Variants in ATP13A3 observed in about 807,000 individuals in gnomAD.
The protein encoded by ATP13A3 is ATPase 13A3, also known as polyamine-transporting ATPase 13A3.
ATP13A3 carries 59 observed loss-of-function variants against 158.1 expected under a neutral mutation model. The ratio of observed to expected loss-of-function variants is 0.37; its 90% confidence interval spans 0.30 to 0.46. ATP13A3 has a LOEUF of 0.46. ATP13A3 is among the 20% of genes least tolerant of loss of function. The pLI is 1.00. For synonymous variants in ATP13A3, 491 were observed against 504.3 expected (o/e 0.97, Z 0.35); for missense variants, 1,166 against 1,525.2 (o/e 0.76, Z 3.92).
chr3:194,425,363 T>C lies in ATP13A3; in HGVS notation c.3292A>G (p.Arg1098Gly). 6.2e-7 allele frequency: 1 copy of C among 1,612,676 alleles called. No homozygotes were observed. Among genetic ancestry groups the C allele is most frequent in the African/African-American group, 1.3e-5 (1 of 74,972 alleles). Reference sequence around the variant, plus strand: ...TTACAATTTTTGTAGCAAGGTTGCCTGAAGGGTTTTCCTTTTGAAAAGGCA... The same window carrying C: ...TTACAATTTTTGTAGCAAGGTTGCCCGAAGGGTTTTCCTTTTGAAAAGGCA... ...AIAFSKGKPF[R>G]QPCYKNYFFV... is the part of the protein sequence containing the mutation. Residue 1098 changes from arginine (R) to glycine (G), a missense_variant, in exon 30 of 34, where the codon AGG (arginine) becomes GGG (glycine). Transcript: ENST00000645319.
At chr3:194,470,066 CATAAT>C (rs1394584085) in intron 2 of ATP13A3, among the ~76,000 whole-genome samples, 3 of 152,072 alleles carry the variant, frequency 2.0e-5, no homozygotes, top group African/African-American at 7.2e-5. Flanking sequence ...ATAAGAATGA[CATAAT>C]ATAATTTAAT....
chr3:194,433,944 A>C, intron 20 of ATP13A3, 48 bp from the exon 21 acceptor site: 2 of 1,569,758 alleles, frequency 1.3e-6, no homozygotes, highest in Non-Finnish European at 1.7e-6. Context: ...CAATTGAGTA[A>C]GCAACTTATG....
chr3:194,420,598 G>A lies in ATP13A3; in HGVS notation c.3314-631C>T, dbSNP rs553599478. 1.4e-4 allele frequency among the ~76,000 whole-genome samples: 21 copies of A among 152,214 alleles called. No individual in the cohort carries two copies. The South Asian group carries it at 4.1e-3, about 30-fold the overall frequency. On this transcript the variant is annotated intron_variant, in intron 30 of 33. Coordinates refer to ENST00000645319, the MANE Select transcript of ATP13A3 (RefSeq NM_001367549.1). ...GTTGATCTACTATTTTTCAAAGTGG[G>A]CTGACCTTATGGCTTGCTATGGGAG...
intron 2 of ATP13A3, chr3:194,468,206 C>G (rs1250635818): frequency 2.0e-5 from 3 of 152,112 alleles, no homozygotes; most frequent in African/African-American, 7.2e-5. Flanking sequence ...CTTCTGCCAT[C>G]TGTCACTCGT....
intron 30 of ATP13A3, among the ~76,000 whole-genome samples, chr3:194,422,099 G>C (rs1317650112): frequency 6.6e-6 from 1 of 151,756 alleles, no homozygotes; most frequent in African/African-American, 2.4e-5. Flanking sequence ...GAGAAGATAA[G>C]TAACTGAATC....
chr3:194,466,462 GCAACTTGACACTGATACAC>G (rs1439014559), intron 2 of ATP13A3, among the ~76,000 whole-genome samples: 1 of 152,116 alleles, frequency 6.6e-6, no homozygotes, highest in East Asian at 1.9e-4. Context: ...AACTTAATAA[GCAACTTGACACTGATACAC>G]CAACTTTTTT....
intron 20 of ATP13A3, among the ~76,000 whole-genome samples, chr3:194,435,045 T>G (rs1717522225): frequency 6.6e-6 from 1 of 152,350 alleles, no homozygotes; most frequent in African/African-American, 2.4e-5. Flanking sequence ...AATTTCAGAC[T>G]TGGAATAACC....
chr3:194,449,251 TTGTG>T (rs918426747), intron 11 of ATP13A3, among the ~76,000 whole-genome samples: 1 of 152,158 alleles, frequency 6.6e-6, no homozygotes, highest in African/African-American at 2.4e-5. Flanking sequence ...ATGTATTTGT[TTGTG>T]TGTTTTAAGA....
At chr3:194,484,011 A>G (rs1337077340) in intron 2 of ATP13A3, among the ~76,000 whole-genome samples, 1 of 152,160 alleles carries the variant, frequency 6.6e-6, no homozygotes, top group African/African-American at 2.4e-5. Context: ...AACAGTCAAA[A>G]CAGTTCACAG....
chr3:194,468,386 T>TAAAAAAAAAAAAAAAAAAAAAAAA (rs35011462), intron 2 of ATP13A3: 1 of 111,880 alleles, frequency 8.9e-6, no homozygotes, highest in African/African-American at 3.9e-5. Flanking sequence ...TGTGTGAGTT[T>TAAAAAAAAAAAAAAAAAAAAAAAA]AAAAAAAAAA....
chr3:194,436,815 C>T (rs1407082747), intron 20 of ATP13A3, among the ~76,000 whole-genome samples: 1 of 152,182 alleles, frequency 6.6e-6, no homozygotes, highest in African/African-American at 2.4e-5. Flanking sequence ...CGCCACTGCG[C>T]TTGAACCGGG....
intron 30 of ATP13A3, among the ~76,000 whole-genome samples, chr3:194,421,389 T>C (rs1716360717): frequency 6.7e-6 from 1 of 148,630 alleles, no homozygotes; most frequent in Admixed American, 6.8e-5. Context: ...CTGTCTCTAC[T>C]AAAAACACAA....
chr3:194,405,791 A>T lies in ATP13A3; in HGVS notation c.*128T>A. 1 of 937,484 alleles carries T rather than the reference A, an allele frequency of 1.1e-6. No individual in the cohort carries two copies. The highest frequency in any genetic ancestry group is 2.5e-5 in the East Asian group (1 of 39,896). The allele number at this position is 937,484 out of a possible 1,614,324, so 58.1% of individuals were successfully genotyped here. ...TATTTTAAGGAAGAGCAAAGCTGTC[A>T]AATAAGCTACTATATCAGAAGGGAC... On this transcript the variant is annotated 3_prime_UTR_variant, in exon 34 of 34. Coordinates refer to ENST00000645319, the MANE Select transcript of ATP13A3 (RefSeq NM_001367549.1).
At chr3:194,480,974 C>T (rs1367467366) in intron 2 of ATP13A3, among the ~76,000 whole-genome samples, 1 of 152,170 alleles carries the variant, frequency 6.6e-6, no homozygotes, top group Non-Finnish European at 1.5e-5. Context: ...AAACTGGACA[C>T]TAGAATTGAA....
At chr3:194,473,213 T>C (rs961463531) in intron 2 of ATP13A3, among the ~76,000 whole-genome samples, 4 of 152,178 alleles carry the variant, frequency 2.6e-5, no homozygotes, top group Admixed American at 6.5e-5. Flanking sequence ...GAAAGCAGAA[T>C]TGCCTTTCTA....
intron 2 of ATP13A3, among the ~76,000 whole-genome samples, chr3:194,482,481 T>C (rs1398747035): frequency 6.6e-6 from 1 of 152,230 alleles, no homozygotes; most frequent in Non-Finnish European, 1.5e-5. Context: ...ACCTTACAAA[T>C]ATCTACTTTT....
chr3:194,427,053 T>C, intron 29 of ATP13A3, 22 bp downstream of exon 29: 1 of 1,594,238 alleles, frequency 6.3e-7, no homozygotes, highest in Non-Finnish European at 8.5e-7. Context: ...ATATAGATTT[T>C]TACATAGATT....
At chr3:194,437,035 A>G in intron 20 of ATP13A3, 60 bp downstream of exon 20, 2 of 1,551,000 alleles carry the variant, frequency 1.3e-6, no homozygotes, top group Non-Finnish European at 1.8e-6. Flanking sequence ...ATTACTGTGC[A>G]TGACTAATAT....
At chr3:194,454,754 G>A (rs1021823252) in intron 8 of ATP13A3, among the ~76,000 whole-genome samples, 25 of 151,864 alleles carry the variant, frequency 1.6e-4, no homozygotes, top group African/African-American at 5.3e-4. Flanking sequence ...GCTTGAACCC[G>A]GGAGGCAGAG....
Sources: allele counts gnomAD v4.1 joint callset (sites outside exome capture counted in the v4.1 genomes callset), GRCh38; gene constraint gnomAD v4.1.1; transcripts MANE v1.5; gene names NCBI Gene and HGNC (gene_info 2026-07-23, HGNC 2026-07-21).